The following MEP1B variants were observed in gnomAD, a reference collection of about 807,000 sequenced individuals.
MEP1B encodes N-benzoyl-L-tyrosyl-P-amino-benzoic acid hydrolase subunit beta.
Under a neutral mutation model 84.6 loss-of-function variants are expected in MEP1B, and 80 were observed. The ratio of observed to expected loss-of-function variants is 0.95; its 90% CI spans 0.79 to 1.14. The LOEUF is 1.14. MEP1B is among the 50% of genes most tolerant of loss of function. The probability of loss-of-function intolerance (pLI) is 0.00; values close to 1 mark genes in which losing one functional copy is unlikely to be tolerated. For synonymous variants in MEP1B, 273 were observed against 288.1 expected, an observed-to-expected ratio of 0.95 and a Z score of 0.53; for missense variants, 766 against 855.1, an observed-to-expected ratio of 0.90 and a Z score of 1.30.
At chr18:32,203,031 T>C in intron 6 of MEP1B, 21 bp downstream of exon 6, 1 of 1,340,696 alleles carries the variant, frequency 7.5e-7, no homozygotes, top group Non-Finnish European at 1.1e-6. Flanking sequence ...GACTTAGTCT[T>C]CTAAGGCATC....
At chr18:32,211,200 G>A (rs1010132955) in intron 10 of MEP1B, among the ~76,000 whole-genome samples, 2 of 152,074 alleles carry the variant, frequency 1.3e-5, no homozygotes, top group East Asian at 1.9e-4. Flanking sequence ...CCCGGGAGGC[G>A]GGGGTGGCAG....
intron 1 of MEP1B, 121 bp downstream of exon 1, chr18:32,190,254 G>C (rs1407892838): frequency 1.8e-5 from 13 of 738,354 alleles, no homozygotes; most frequent in Non-Finnish European, 2.9e-5. Flanking sequence ...GATCTCAAAT[G>C]AGTGTTTCTT....
chr18:32,195,625 G>T, intron 5 of MEP1B, 140 bp downstream of exon 5: 1 of 463,624 alleles, frequency 2.2e-6, no homozygotes. Flanking sequence ...CATTTACTTT[G>T]AAAAAAAAAA....
rs369500469 is a variant in MEP1B, at chr18:32,215,229, G to A, written c.1727G>A (p.Gly576Glu). 4 of 1,609,102 alleles carry A rather than the reference G, an allele frequency of 2.5e-6. No individual in the cohort carries two copies. The African/African-American group carries it at 5.4e-5, about 22-fold the overall frequency. ...CTGAAAAGCAGAGATTTTATAAAAG[G>A]AGATGATGTTTATATCCTACTGACA... ...ERLKSRDFIK[G>E]DDVYILLTVE... is the part of the protein sequence containing the mutation. Residue 576 changes from glycine (G) to glutamate (E), a missense_variant, in exon 12 of 15, where the codon GGA becomes GAA. Transcript: ENST00000269202.
At chr18:32,194,359 C>A (rs1177611964) in intron 4 of MEP1B, among the ~76,000 whole-genome samples, 5 of 152,130 alleles carry the variant, frequency 3.3e-5, no homozygotes, top group African/African-American at 9.7e-5. Flanking sequence ...AGTCATTTTT[C>A]AAACAGGCAG....
At position 32,192,781 on chromosome 18, in the gene MEP1B, A is replaced by C. The variant is rs1246156685; in HGVS notation, c.135A>C (p.Gly45=). 6.2e-7 allele frequency: 1 copy of C among 1,612,854 alleles called. No homozygotes were observed. Among genetic ancestry groups the C allele is most frequent in the African/African-American group, 1.3e-5 (1 of 74,858 alleles). ...QDIFDINEGL[G]LDLFEGDIRL... is the part of the protein sequence containing the mutation. ...TTTTATCTTTACTCTTAGGTTTGGG[A>C]CTGGATCTTTTTGAGGGTGACATCA... The change falls in exon 4 of 15, where the codon GGA becomes GGC. Residue 45 remains glycine (G), a synonymous_variant. Coordinates refer to ENST00000269202, the MANE Select transcript of MEP1B (RefSeq NM_005925.3).
chr18:32,200,756 T>G (rs992853240), intron 5 of MEP1B, among the ~76,000 whole-genome samples: 2 of 152,240 alleles, frequency 1.3e-5, no homozygotes, highest in Non-Finnish European at 2.9e-5. Context: ...CAGCCATTTA[T>G]AGTTTCCAGG....
chr18:32,210,410 C>G, intron 9 of MEP1B, 91 bp from the exon 10 acceptor site: 1 of 1,054,916 alleles, frequency 9.5e-7, no homozygotes, highest in Non-Finnish European at 1.4e-6. Context: ...GTTACTTATG[C>G]CTCGCGTAAA....
At position 32,215,151 on chromosome 18, in the gene MEP1B, A is replaced by G; in HGVS notation, c.1649A>G (p.Gln550Arg). 2 of 1,609,778 alleles carry G rather than the reference A, an allele frequency of 1.2e-6. No homozygotes were observed. Among genetic ancestry groups the G allele is most frequent in the South Asian group, 2.2e-5 (2 of 90,670 alleles). Reference protein sequence around the residue: ...GTVALFSNGTQFRRGGGYGTS... With the variant: ...GTVALFSNGTRFRRGGGYGTS... ...GTGGCTTTGTTCTCTAATGGAACTCAGTTTAGAAGAGGTGGGGGCTATGGA... is the reference window on the plus strand; with the variant it reads ...GTGGCTTTGTTCTCTAATGGAACTCGGTTTAGAAGAGGTGGGGGCTATGGA... The change falls in exon 12 of 15, where the codon CAG (glutamine) becomes CGG (arginine). Residue 550 changes from glutamine (Q) to arginine (R), a missense_variant. Transcript: ENST00000269202.
In MEP1B at chr18:32,207,375, T is replaced by C. The variant is rs373648256; in HGVS notation, c.671T>C (p.Ile224Thr). The change falls in exon 8 of 15, where the codon ATT becomes ACT. Residue 224 changes from isoleucine to threonine, a missense_variant. Transcript: ENST00000269202. ...TAFQNGTEPT[I>T]VTRISDFEDV... Reference sequence around the variant, plus strand: ...TTCCAAAATGGAACAGAGCCGACAATTGTCACAAGAATCTCAGACTTTGAG... The same window carrying C: ...TTCCAAAATGGAACAGAGCCGACAACTGTCACAAGAATCTCAGACTTTGAG... The C allele has an allele frequency of 6.8e-5, 110 of 1,613,336 alleles. No individual in the cohort carries two copies. The African/African-American group carries it at 8.0e-4, about 12-fold the overall frequency.
intron 9 of MEP1B, 69 bp from the exon 10 acceptor site, chr18:32,210,432 C>A: frequency 1.5e-6 from 2 of 1,316,284 alleles, no homozygotes; most frequent in Non-Finnish European, 2.1e-6. Flanking sequence ...AATCTAGCAC[C>A]ACCATTAACA....
intron 14 of MEP1B, among the ~76,000 whole-genome samples, chr18:32,219,691 A>C (rs1057027218): frequency 1.1e-4 from 17 of 152,204 alleles, no homozygotes; most frequent in African/African-American, 4.1e-4. Context: ...GAAGGAGTTA[A>C]AGAAAAATGA....
At chr18:32,212,028 GA>G (rs1568271760) in intron 10 of MEP1B, among the ~76,000 whole-genome samples, 1 of 147,164 alleles carries the variant, frequency 6.8e-6, no homozygotes, top group East Asian at 2.0e-4. Context: ...AATATATAAA[GA>G]ATAATTATAT....
chr18:32,204,077 T>G, intron 6 of MEP1B, 105 bp from the exon 7 acceptor site: 1 of 886,980 alleles, frequency 1.1e-6, no homozygotes, highest in East Asian at 2.7e-5. Context: ...AGAGCAAAGG[T>G]GGGTAATGAA....
chr18:32,216,475 G>A (rs189055795), intron 12 of MEP1B, among the ~76,000 whole-genome samples: 6 of 152,334 alleles, frequency 3.9e-5, no homozygotes, highest in African/African-American at 1.4e-4. Flanking sequence ...CCAAGCCAGA[G>A]ACCTGTGACC....
intron 10 of MEP1B, among the ~76,000 whole-genome samples, chr18:32,211,259 A>G (rs1269712121): frequency 6.6e-6 from 1 of 152,142 alleles, no homozygotes. Flanking sequence ...ACAGAGCAAG[A>G]CTCCATCTCT....
chr18:32,194,029 CA>C, intron 4 of MEP1B, among the ~76,000 whole-genome samples: 1 of 152,244 alleles, frequency 6.6e-6, no homozygotes, highest in East Asian at 1.9e-4. Flanking sequence ...ACCTTCCCCC[CA>C]AACTGTTCCT....
chr18:32,190,792 G>T (rs1303082505), intron 1 of MEP1B, among the ~76,000 whole-genome samples: 1 of 152,108 alleles, frequency 6.6e-6, no homozygotes, highest in African/African-American at 2.4e-5. Context: ...TTATTCTGTA[G>T]GTGCACTGGC....
rs921898489 is a variant in MEP1B, at chr18:32,191,852, T to C, written c.82+12T>C. On this transcript the variant is annotated intron_variant, in intron 2 of 14. Transcript: ENST00000269202. Reference sequence around the variant, plus strand: ...TCCAGAAAACTTTGGTGAGTCTATTTTGAGTTTTGTTCTAGGTTATAGAGA... The same window carrying C: ...TCCAGAAAACTTTGGTGAGTCTATTCTGAGTTTTGTTCTAGGTTATAGAGA... The C allele has an allele frequency of 4.6e-6, 7 of 1,515,218 alleles. No individual in the cohort carries two copies. Among genetic ancestry groups the C allele is most frequent in the Admixed American group, 3.9e-5 (2 of 51,134 alleles). 93.9% of individuals were successfully genotyped at this position (1,515,218 alleles called of 1,614,324 possible).
Sources: gnomAD v4.1 joint callset for allele counts (sites outside exome capture counted in the v4.1 genomes callset) on GRCh38, gnomAD v4.1.1 for gene constraint, MANE v1.5 for transcripts, NCBI Gene and HGNC (gene_info 2026-07-23, HGNC 2026-07-21) for gene names.